The following STK31 variants were observed in gnomAD, a reference collection of about 807,000 sequenced individuals.
STK31 encodes the protein serine/threonine-protein kinase 31.
In STK31, 89 loss-of-function variants were observed where a neutral mutation model predicts 129.7. The observed-to-expected ratio is 0.69, with a 90% CI of 0.58 to 0.82. The LOEUF (loss-of-function observed/expected upper bound fraction) is 0.82, where lower values mean the gene tolerates loss of function less well. Among genes scored for constraint, STK31 ranks in the 40% least tolerant of loss-of-function variants. The pLI, the probability that STK31 is intolerant of heterozygous loss-of-function variation, is 0.00. For missense variants in STK31, 1,187 were observed against 1,176.4 expected, an observed-to-expected ratio of 1.01 and a Z score of -0.13; for synonymous variants, 448 against 395.3, an observed-to-expected ratio of 1.13 and a Z score of -1.58.
At chr7:23,720,811 T>C (rs921939192) in intron 4 of STK31, among the ~76,000 whole-genome samples, 3 of 152,148 alleles carry the variant, frequency 2.0e-5, no homozygotes, top group Non-Finnish European at 2.9e-5. Context: ...TTTGTACCCA[T>C]ATATTACCCC....
intron 17 of STK31, among the ~76,000 whole-genome samples, chr7:23,784,613 C>G (rs554971638): frequency 6.6e-6 from 1 of 151,856 alleles, no homozygotes; most frequent in African/African-American, 2.4e-5. Context: ...TGATGTTTAA[C>G]TGTAATGTAT....
Position 23,780,554 on chromosome 7 carries a change from A to G in STK31, c.1966-865A>G, listed in dbSNP as rs1216855041. 2.0e-5 allele frequency among the ~76,000 whole-genome samples: 3 copies of G among 152,330 alleles called. No individual in the cohort carries two copies. The East Asian group carries it at 5.8e-4, about 29-fold the overall frequency. ...ATTCTTTAATCCTTGATCACCTTTCAGCAAATACACTATTTACATTTGAGA... is the reference window on the plus strand; with the variant it reads ...ATTCTTTAATCCTTGATCACCTTTCGGCAAATACACTATTTACATTTGAGA... On this transcript the variant is annotated intron_variant, in intron 15 of 23. Transcript: ENST00000355870.
chr7:23,784,584 G>A (rs1232698623), intron 17 of STK31, among the ~76,000 whole-genome samples: 1 of 152,000 alleles, frequency 6.6e-6, no homozygotes, highest in Non-Finnish European at 1.5e-5. Context: ...ATGGTTTATT[G>A]AAGTCTTTAA....
At chr7:23,722,329 T>A (rs886611814) in intron 4 of STK31, 6 of 153,410 alleles carry the variant, frequency 3.9e-5, no homozygotes, top group Non-Finnish European at 8.7e-5. Context: ...GCTGCAGGTC[T>A]GTTGGAGTTT....
chr7:23,794,398 G>C (rs1250606832), intron 22 of STK31, among the ~76,000 whole-genome samples: 1 of 152,198 alleles, frequency 6.6e-6, no homozygotes, highest in African/African-American at 2.4e-5. Flanking sequence ...CAGTCATGCT[G>C]AACTGTGAGT....
At chr7:23,731,122 GAT>G (rs1787409280) in intron 6 of STK31, among the ~76,000 whole-genome samples, 1 of 151,722 alleles carries the variant, frequency 6.6e-6, no homozygotes, top group South Asian at 2.1e-4. Context: ...GACTTCAAGA[GAT>G]CCCCCTGTCT....
intron 23 of STK31, among the ~76,000 whole-genome samples, chr7:23,819,779 C>CTCTGCACGTGG (rs70939859): frequency 6.6e-6 from 1 of 151,556 alleles, no homozygotes; most frequent in South Asian, 2.1e-4. Flanking sequence ...ACTAAGGTGT[C>CTCTGCACGTGG]AAATAATGGA....
intron 23 of STK31, among the ~76,000 whole-genome samples, chr7:23,825,973 T>C (rs915966281): frequency 3.3e-5 from 5 of 152,224 alleles, no homozygotes; most frequent in African/African-American, 1.2e-4. Context: ...CAGTTTGTTA[T>C]AATTTATGTT....
intron 21 of STK31, 148 bp downstream of exon 21, chr7:23,788,277 C>T: frequency 1.6e-6 from 1 of 641,666 alleles, no homozygotes; most frequent in Non-Finnish European, 2.3e-6. Context: ...ACTATTTGCC[C>T]TCAGCTAGAT....
intron 23 of STK31, among the ~76,000 whole-genome samples, chr7:23,823,268 G>A (rs1217717473): frequency 6.6e-6 from 1 of 152,130 alleles, no homozygotes; most frequent in Non-Finnish European, 1.5e-5. Flanking sequence ...GTTGTTTCCT[G>A]ACTTTTTAAT....
intron 13 of STK31, 110 bp downstream of exon 13, chr7:23,769,866 T>A: frequency 3.1e-6 from 2 of 637,188 alleles, no homozygotes; most frequent in Admixed American, 2.6e-5. Flanking sequence ...TAGAAAGTAT[T>A]AAGACTGATC....
intron 22 of STK31, chr7:23,811,313 GC>G (rs1793118612): frequency 2.4e-6 from 1 of 419,534 alleles, no homozygotes; most frequent in Admixed American, 2.6e-5. Context: ...TGCAGCTTCT[GC>G]CATAAAAGGT....
At chr7:23,819,244 T>A (rs1041135778) in intron 23 of STK31, among the ~76,000 whole-genome samples, 1 of 152,222 alleles carries the variant, frequency 6.6e-6, no homozygotes, top group African/African-American at 2.4e-5. Context: ...TAAAAACATA[T>A]TCTGTAGAGT....
At chr7:23,781,572 A>G (rs1360477468) in intron 16 of STK31, 52 bp downstream of exon 16, 1 of 1,343,960 alleles carries the variant, frequency 7.4e-7, no homozygotes, top group Non-Finnish European at 1.0e-6. Flanking sequence ...CTAGAAATTG[A>G]ATTTAAATAC....
intron 4 of STK31, among the ~76,000 whole-genome samples, chr7:23,719,520 A>C (rs137912374): frequency 6.6e-6 from 1 of 152,268 alleles, no homozygotes; most frequent in East Asian, 1.9e-4. Flanking sequence ...TAAACTTCTA[A>C]AGCAACATTT....
intron 15 of STK31, among the ~76,000 whole-genome samples, chr7:23,779,557 G>A (rs1464039652): frequency 1.3e-5 from 2 of 152,162 alleles, no homozygotes; most frequent in Non-Finnish European, 2.9e-5. Flanking sequence ...ATCTAGAGAG[G>A]CGGTCTGGCT....
At chr7:23,737,303 C>T (rs1362538589) in intron 8 of STK31, among the ~76,000 whole-genome samples, 1 of 152,120 alleles carries the variant, frequency 6.6e-6, no homozygotes, top group African/African-American at 2.4e-5. Context: ...TTACATTTCC[C>T]TTTATGTTCT....
chr7:23,813,082 T>TC (rs1210137292), intron 22 of STK31, among the ~76,000 whole-genome samples: 1 of 136,948 alleles, frequency 7.3e-6, no homozygotes, highest in East Asian at 2.0e-4. Flanking sequence ...TCTGTTCTTT[T>TC]TTTTTTTTTT....
chr7:23,750,066 T>TCCCCCCC (rs1788609697), intron 8 of STK31, among the ~76,000 whole-genome samples: 2 of 77,670 alleles, frequency 2.6e-5, no homozygotes, highest in African/African-American at 4.4e-5. Context: ...AATGGTTTGT[T>TCCCCCCC]TCCCCCCCCG....
Sources: allele counts gnomAD v4.1 joint callset (sites outside exome capture counted in the v4.1 genomes callset), GRCh38; gene constraint gnomAD v4.1.1; transcripts MANE v1.5; gene names NCBI Gene and HGNC (gene_info 2026-07-23, HGNC 2026-07-21).